MFSD8: variants seen among roughly 807,000 people sequenced by gnomAD.
MFSD8 encodes the protein major facilitator superfamily domain containing 8.
Under a neutral mutation model 66.4 loss-of-function variants are expected in MFSD8, and 55 were observed. That is an observed-to-expected ratio of 0.83 (90% CI 0.67 to 1.04). The LOEUF (loss-of-function observed/expected upper bound fraction) is 1.04, where lower values mean the gene tolerates loss of function less well. Ranked by LOEUF, MFSD8 falls within the 50% of genes least tolerant of loss-of-function variation. The pLI is 0.00. For missense variants in MFSD8, 550 were observed against 627.6 expected, an observed-to-expected ratio of 0.88 and a Z score of 1.32; for synonymous variants, 202 against 212.8, an observed-to-expected ratio of 0.95 and a Z score of 0.44.
intron 8 of MFSD8, among the ~76,000 whole-genome samples, chr4:127,932,120 C>CA (rs963103041): frequency 6.6e-6 from 1 of 151,900 alleles, no homozygotes; most frequent in Non-Finnish European, 1.5e-5. Flanking sequence ...CAAAACAAAA[C>CA]AAAAAAAGTT....
intron 1 of MFSD8, among the ~76,000 whole-genome samples, chr4:127,962,408 C>T (rs1005918018): frequency 7.2e-5 from 11 of 152,098 alleles, no homozygotes; most frequent in African/African-American, 2.7e-4. Flanking sequence ...GCAGAGGTGG[C>T]AGTGAGCCAA....
At chr4:127,953,358 C>T (rs1029132468) in intron 2 of MFSD8, among the ~76,000 whole-genome samples, 1 of 151,258 alleles carries the variant, frequency 6.6e-6, no homozygotes, top group African/African-American at 2.4e-5. Flanking sequence ...CATGGTGCCG[C>T]ATGCCTGTAA....
intron 2 of MFSD8, among the ~76,000 whole-genome samples, chr4:127,956,500 GAAAAAAA>G (rs781476965): frequency 1.9e-5 from 2 of 104,274 alleles, no homozygotes; most frequent in Non-Finnish European, 4.0e-5. Flanking sequence ...ACTCCGTCTT[GAAAAAAA>G]AAAAAAAAGA....
intron 2 of MFSD8, among the ~76,000 whole-genome samples, chr4:127,955,943 C>G (rs1742785735): frequency 6.6e-6 from 1 of 151,432 alleles, no homozygotes; most frequent in South Asian, 2.1e-4. Context: ...GCCGTGAAAC[C>G]CCATCTCTAC....
At chr4:127,923,552 T>TGTATTTATTATTA (rs1553944538) in intron 9 of MFSD8, among the ~76,000 whole-genome samples, 1 of 130,578 alleles carries the variant, frequency 7.7e-6, no homozygotes, top group African/African-American at 2.9e-5. Flanking sequence ...TTTATTTTTA[T>TGTATTTATTATTA]TTATTATTAT....
intron 11 of MFSD8, 97 bp downstream of exon 11, chr4:127,921,427 C>G: frequency 6.3e-7 from 1 of 1,586,908 alleles, no homozygotes; most frequent in Non-Finnish European, 8.6e-7. Flanking sequence ...AAAAATCCCT[C>G]AAATCAGTCT....
chr4:127,953,196 G>C (rs1742292077), intron 2 of MFSD8, among the ~76,000 whole-genome samples: 1 of 152,032 alleles, frequency 6.6e-6, no homozygotes, highest in Non-Finnish European at 1.5e-5. Flanking sequence ...CATCATCTTA[G>C]TTGATGTTGG....
At chr4:127,927,360 A>G (rs1737382386) in intron 9 of MFSD8, among the ~76,000 whole-genome samples, 1 of 152,082 alleles carries the variant, frequency 6.6e-6, no homozygotes, top group Non-Finnish European at 1.5e-5. Context: ...GTATTTAGTT[A>G]CGACGGGGTT....
At position 127,942,258 on chromosome 4, in the gene MFSD8, A is replaced by C. The variant is rs1340203391; in HGVS notation, c.440-100T>G. On this transcript the variant is annotated intron_variant, in intron 4 of 11. Coordinates refer to ENST00000641686, the MANE Select transcript of MFSD8 (RefSeq NM_001371596.2). ...TTATACAGAAGAAGAAATCTTGGTCAACAGTACAGTCACTGCTTCCTCTTT... is the reference window on the plus strand; with the variant it reads ...TTATACAGAAGAAGAAATCTTGGTCCACAGTACAGTCACTGCTTCCTCTTT... 17 of 864,486 alleles carry C rather than the reference A, an allele frequency of 2.0e-5. No homozygotes were observed. The East Asian group carries it at 4.2e-4, about 21-fold the overall frequency. 53.6% of individuals were successfully genotyped at this position (864,486 alleles called of 1,614,324 possible).
chr4:127,936,357 C>T (rs1211019494), intron 7 of MFSD8, among the ~76,000 whole-genome samples: 2 of 152,092 alleles, frequency 1.3e-5, no homozygotes, highest in African/African-American at 2.4e-5. Flanking sequence ...TCAGGTGATC[C>T]ACCTGCTTTG....
intron 1 of MFSD8, among the ~76,000 whole-genome samples, chr4:127,963,170 TGTACATTTGGCATAGGACAAA>T (rs1744081974): frequency 6.6e-6 from 1 of 152,228 alleles, no homozygotes; most frequent in African/African-American, 2.4e-5. Flanking sequence ...AGTCTTTCTT[TGTACATTTGGCATAGGACAAA>T]GGCGAGCTCA....
chr4:127,960,304 C>T (rs187767968), intron 1 of MFSD8, among the ~76,000 whole-genome samples: 6 of 152,174 alleles, frequency 3.9e-5, no homozygotes, highest in African/African-American at 1.4e-4. Flanking sequence ...CAAAGCCGGG[C>T]AGACTGCTTG....
At chr4:127,940,139 G>GT (rs777174891) in intron 5 of MFSD8, 142 bp from the exon 6 acceptor site, 10 of 829,972 alleles carry the variant, frequency 1.2e-5, no homozygotes, top group Non-Finnish European at 1.7e-5. Flanking sequence ...GATGGAATTG[G>GT]TTCTTGATGG....
chr4:127,964,597 C>G (rs1033300787), intron 1 of MFSD8: 1 of 182,852 alleles, frequency 5.5e-6, no homozygotes, highest in African/African-American at 2.4e-5. Context: ...GCGCGCAGCC[C>G]CGGTTCCCGC....
Position 127,930,737 on chromosome 4 carries a change from G to A in MFSD8, c.944C>T (p.Ala315Val), listed in dbSNP as rs767331120. The A allele has an allele frequency of 6.2e-7, 1 of 1,613,480 alleles. No homozygotes were observed. The highest frequency in any genetic ancestry group is 1.1e-5 in the South Asian group (1 of 91,018). ...AATAACAACGGCTTCAACCCCAAGA[G>A]CAGCAAGTATTATGCCATTATATAA... is the stretch of plus-strand genomic sequence containing the variant. ...AVLYNGIILAALGVEAVVIFL... is the reference protein window; with the variant it reads ...AVLYNGIILAVLGVEAVVIFL... The change falls in exon 9 of 12, where the codon GCT (alanine) becomes GTT (valine). Residue 315 changes from alanine (A) to valine (V), a missense_variant. Physicochemically the swap from Ala to Val is moderately conservative, Grantham distance 64. Transcript: ENST00000641686.
chr4:127,944,824 C>T (rs935255250), intron 3 of MFSD8, among the ~76,000 whole-genome samples: 6 of 151,954 alleles, frequency 3.9e-5, no homozygotes, highest in Non-Finnish European at 7.4e-5. Flanking sequence ...CCATGCCCAC[C>T]TAATTTTTTT....
intron 7 of MFSD8, among the ~76,000 whole-genome samples, chr4:127,934,393 G>A (rs1351060365): frequency 6.6e-6 from 1 of 152,054 alleles, no homozygotes; most frequent in East Asian, 1.9e-4. Flanking sequence ...TAAGTGTACT[G>A]ACTTCTCATC....
At chr4:127,953,850 A>G (rs1332248183) in intron 2 of MFSD8, among the ~76,000 whole-genome samples, 1 of 152,222 alleles carries the variant, frequency 6.6e-6, no homozygotes, top group Admixed American at 6.5e-5. Flanking sequence ...TGTTGAAAAT[A>G]TCCTTTATCA....
intron 7 of MFSD8, among the ~76,000 whole-genome samples, chr4:127,935,574 A>G (rs928600532): frequency 1.3e-5 from 2 of 152,204 alleles, no homozygotes; most frequent in African/African-American, 2.4e-5. Context: ...TTATGCAAAC[A>G]TTTATTGAAA....
Sources: gnomAD v4.1 joint callset for allele counts (sites outside exome capture counted in the v4.1 genomes callset) on GRCh38, gnomAD v4.1.1 for gene constraint, MANE v1.5 for transcripts, NCBI Gene and HGNC (gene_info 2026-07-23, HGNC 2026-07-21) for gene names.